The following ANKRD11 variants were observed in gnomAD, a reference collection of about 807,000 sequenced individuals.
The protein encoded by ANKRD11 is ankyrin repeat domain 11, also known as ankyrin repeat domain-containing protein 11.
A neutral mutation model predicts 195.7 loss-of-function variants in ANKRD11; 17 were observed. That is an observed-to-expected ratio of 0.09 (90% CI 0.06 to 0.13). The LOEUF is 0.13. Ranked by LOEUF, ANKRD11 falls within the 10% of genes least tolerant of loss-of-function variation. ANKRD11 has a pLI of 1.00. For missense variants in ANKRD11, 3,735 were observed against 3,566.1 expected, an observed-to-expected ratio of 1.05 and a Z score of -1.21; for synonymous variants, 1,953 against 1,528.1, an observed-to-expected ratio of 1.28 and a Z score of -6.49.
chr16:89,391,227 C>CA lies in ANKRD11; in HGVS notation c.-60+27056dup, dbSNP rs35753411. On this transcript the variant is annotated intron_variant, in intron 2 of 12. Transcript: ENST00000301030. ...TGGGCGACAGAGCGAGACTCTGTCT[C>CA]AAAAAAAAAAAAAAAAAAAAATGAT... is the stretch of plus-strand genomic sequence containing the variant. Among the ~76,000 whole-genome samples, 780 of 95,162 alleles carry CA rather than the reference C, an allele frequency of 8.2e-3. 7 individuals are homozygous for CA. Among genetic ancestry groups the CA allele is most frequent in the African/African-American group, 0.017 (438 of 26,216 alleles). 62.4% of individuals were successfully genotyped at this position (95,162 alleles called of 152,430 possible).
chr16:89,423,907 G>A (rs2042612686), intron 1 of ANKRD11, among the ~76,000 whole-genome samples: 1 of 152,184 alleles, frequency 6.6e-6, no homozygotes, highest in Admixed American at 6.5e-5. Context: ...TGGGAAGAAA[G>A]TTTCAGTATT....
chr16:89,279,711 G>A lies in ANKRD11; in HGVS notation c.6831C>T (p.Asn2277=), dbSNP rs1170038431. The A allele has an allele frequency of 2.0e-6, 3 of 1,526,706 alleles. No homozygotes were observed. The highest frequency in any genetic ancestry group is 2.7e-5 in the African/African-American group (2 of 72,972). 94.6% of individuals were successfully genotyped at this position (1,526,706 alleles called of 1,614,324 possible). A position where few individuals can be genotyped will look rare whatever the true frequency, so the allele number is the denominator to read the frequency against. The stretch of plus-strand genomic sequence containing the variant: ...CTGCGGCCTGAGCTTGTGCCACAGT[G>A]TTCGGGGCGGGGCCGTCAGGGGCAC... ...SLCAPDGPAP[N]TVAQAQAADG... Residue 2277 remains asparagine (N), a synonymous_variant, in exon 9 of 13, where the codon AAC becomes AAT. Coordinates refer to ENST00000301030, the MANE Select transcript of ANKRD11 (RefSeq NM_013275.6). This position sits in a 1 kb window ranked among gnomAD's most constrained non-coding sequence, Gnocchi z 5.6.
At chr16:89,371,094 G>A (rs2040172751) in intron 2 of ANKRD11, among the ~76,000 whole-genome samples, 1 of 152,126 alleles carries the variant, frequency 6.6e-6, no homozygotes, top group Non-Finnish European at 1.5e-5. Flanking sequence ...CTGCGCGCTC[G>A]CTTACTGAAA....
chr16:89,316,980 C>T lies in ANKRD11; in HGVS notation c.40G>A (p.Glu14Lys). 6.2e-7 allele frequency: 1 copy of T among 1,613,920 alleles called. No individual in the cohort carries two copies. The highest frequency in any genetic ancestry group is 8.5e-7 in the Non-Finnish European group (1 of 1,179,934). ...ACCATGTCGCTGCTGAGGGGAAGCT[C>T]TTCCTGCTGTGGTGCTTTAGGGCAC... ...GGCPKAPQQEELPLSSDMVEK... is the reference protein window; with the variant it reads ...GGCPKAPQQEKLPLSSDMVEK... The change falls in exon 3 of 13, where the codon GAG (glutamate) becomes AAG (lysine). Residue 14 changes from glutamate (E) to lysine (K), a missense_variant. Coordinates refer to ENST00000301030, the MANE Select transcript of ANKRD11 (RefSeq NM_013275.6).
chr16:89,465,723 G>A (rs2056858024), intron 1 of ANKRD11, among the ~76,000 whole-genome samples: 1 of 152,016 alleles, frequency 6.6e-6, no homozygotes, highest in Non-Finnish European at 1.5e-5. Flanking sequence ...GTTATTTTTT[G>A]AGACGGAGTC....
chr16:89,487,965 G>C (rs891916683), intron 1 of ANKRD11, among the ~76,000 whole-genome samples: 2 of 150,732 alleles, frequency 1.3e-5, no homozygotes, highest in Non-Finnish European at 3.0e-5. Flanking sequence ...TGGCACTGCT[G>C]GTATGGGGTG....
intron 1 of ANKRD11, among the ~76,000 whole-genome samples, chr16:89,462,668 G>A (rs958693179): frequency 3.3e-5 from 5 of 150,022 alleles, no homozygotes; most frequent in Admixed American, 6.6e-5. Flanking sequence ...AGTGAGGAGC[G>A]TCTCTGCCCG....
intron 1 of ANKRD11, among the ~76,000 whole-genome samples, chr16:89,483,095 G>A (rs1043441105): frequency 1.3e-5 from 2 of 152,140 alleles, no homozygotes; most frequent in African/African-American, 4.8e-5. Flanking sequence ...CTTCTCCAAC[G>A]CCCAAGAGCT....
chr16:89,384,639 T>G (rs1454601043), intron 2 of ANKRD11, among the ~76,000 whole-genome samples: 1 of 152,164 alleles, frequency 6.6e-6, no homozygotes, highest in Non-Finnish European at 1.5e-5. Flanking sequence ...GCACTGGCAG[T>G]GGCACTGACG....
intron 2 of ANKRD11, among the ~76,000 whole-genome samples, chr16:89,404,518 T>A (rs1395822235): frequency 1.3e-5 from 2 of 152,190 alleles, no homozygotes; most frequent in African/African-American, 4.8e-5. Flanking sequence ...AGCCAACAGT[T>A]TGAAGGGTAT....
chr16:89,470,129 G>A (rs953757528), intron 1 of ANKRD11, among the ~76,000 whole-genome samples: 4 of 151,606 alleles, frequency 2.6e-5, no homozygotes, highest in East Asian at 2.0e-4. Flanking sequence ...GATGGTCTCC[G>A]TGTCCTGAAC....
At position 89,426,213 on chromosome 16, in the gene ANKRD11, CAAAG is replaced by C. The variant is rs1007636639; in HGVS notation, c.-144-7849_-144-7846del. 7.9e-5 allele frequency among the ~76,000 whole-genome samples: 12 copies of C among 152,100 alleles called. No homozygotes were observed. The East Asian group carries it at 1.2e-3, about 15-fold the overall frequency. On this transcript the variant is annotated intron_variant, in intron 1 of 12. Transcript: ENST00000301030. Reference sequence around the variant, plus strand: ...AGATACACAGCTATAACAAAAAAAACAAAGGAAGCTGTAGATCAGAAACTGGGAA... The same window carrying C: ...AGATACACAGCTATAACAAAAAAAACGAAGCTGTAGATCAGAAACTGGGAA...
At chr16:89,366,015 T>C (rs2039932799) in intron 2 of ANKRD11, among the ~76,000 whole-genome samples, 1 of 151,728 alleles carries the variant, frequency 6.6e-6, no homozygotes. Context: ...CCAGGCTCTA[T>C]CCATGTTCCA....
At position 89,286,093 on chromosome 16, in the gene ANKRD11, C is replaced by T; in HGVS notation, c.838G>A (p.Val280Met). ...GTGCCTTTGCCTAACAGGAGGTTCA[C>T]CATCGTGGGGGAGTTGGCCACTTTC... ...PLKVANSPTM[V>M]NLLLGKGTYT... Residue 280 changes from valine (V) to methionine (M), a missense_variant, in exon 8 of 13, where the codon GTG becomes ATG. Coordinates refer to ENST00000301030, the MANE Select transcript of ANKRD11 (RefSeq NM_013275.6). 6.2e-7 allele frequency: 1 copy of T among 1,614,218 alleles called. No individual in the cohort carries two copies. The highest frequency in any genetic ancestry group is 8.5e-7 in the Non-Finnish European group (1 of 1,180,030).
intron 2 of ANKRD11, chr16:89,324,730 C>A: frequency 3.0e-6 from 1 of 327,892 alleles, no homozygotes. Context: ...TGGACCTACA[C>A]CAGTGGTTTG....
intron 2 of ANKRD11, among the ~76,000 whole-genome samples, chr16:89,399,932 C>T (rs1424130499): frequency 1.3e-5 from 2 of 152,302 alleles, no homozygotes; most frequent in East Asian, 3.9e-4. Flanking sequence ...GACCAAGAAG[C>T]AGAGTAAGCC....
At position 89,283,093 on chromosome 16, in the gene ANKRD11, T is replaced by C. The variant is rs1250101774; in HGVS notation, c.3449A>G (p.Gln1150Arg). The C allele has an allele frequency of 3.1e-6, 5 of 1,614,076 alleles. No homozygotes were observed. The highest frequency in any genetic ancestry group is 4.2e-6 in the Non-Finnish European group (5 of 1,180,032). The change falls in exon 9 of 13, where the codon CAG (glutamine) becomes CGG (arginine). Residue 1150 changes from glutamine to arginine, a missense_variant. Physicochemically the swap from Gln to Arg is conservative, Grantham distance 43. Transcript: ENST00000301030. The surrounding 1 kb of genome is among the most constrained non-coding windows in gnomAD (Gnocchi z 4.3). ...GGCCTCCCGTCCTTCCTCCTTCTCC[T>C]GGAGGCCGTCCGTCCTCGGCAAGTC... ...ASDLPRTDGL[Q>R]EKEEGREAYA... is the part of the protein sequence containing the mutation.
At chr16:89,303,297 CA>C (rs2035964167) in intron 4 of ANKRD11, among the ~76,000 whole-genome samples, 1 of 152,214 alleles carries the variant, frequency 6.6e-6, no homozygotes, top group African/African-American at 2.4e-5. Context: ...CTTCTACAAC[CA>C]AAACCAGCAT....
Position 89,320,703 on chromosome 16 carries a change from C to T in ANKRD11, c.-59-3625G>A, listed in dbSNP as rs186146264. Among the ~76,000 whole-genome samples, 4 of 152,334 alleles carry T rather than the reference C, an allele frequency of 2.6e-5. No homozygotes were observed. The East Asian group carries it at 7.7e-4, about 29-fold the overall frequency. ...AAAGCTGTGGGCTCAGGGAACTTGC[C>T]CATTACCTGGCAGCCCCGCATCTGT... On this transcript the variant is annotated intron_variant, in intron 2 of 12. Transcript: ENST00000301030.
Sources: gnomAD v4.1 joint callset for allele counts (sites outside exome capture counted in the v4.1 genomes callset) on GRCh38, gnomAD v4.1.1 for gene constraint, Gnocchi (gnomAD v3.1) non-coding constraint, MANE v1.5 for transcripts, NCBI Gene and HGNC (gene_info 2026-07-23, HGNC 2026-07-21) for gene names.